UGGT2: variants seen among roughly 807,000 people sequenced by gnomAD.
UGGT2 encodes the protein UDP-glucose:glycoprotein glucosyltransferase 2.
Under a neutral mutation model 192.1 loss-of-function variants are expected in UGGT2, and 180 were observed. That is an observed-to-expected ratio of 0.94 (90% CI 0.83 to 1.06). The LOEUF (loss-of-function observed/expected upper bound fraction) is 1.06, where lower values mean the gene tolerates loss of function less well. Ranked by LOEUF, UGGT2 falls within the 50% of genes least tolerant of loss-of-function variation. The pLI, the probability that UGGT2 is intolerant of heterozygous loss-of-function variation, is 0.00. For synonymous variants in UGGT2, 580 were observed against 591.0 expected (o/e 0.98, Z 0.27); for missense variants, 1,849 against 1,795.7 (o/e 1.03, Z -0.54).
At chr13:95,808,305 G>C (rs1884418485) in intron 38 of UGGT2, among the ~76,000 whole-genome samples, 1 of 152,040 alleles carries the variant, frequency 6.6e-6, no homozygotes. Context: ...GAATATTACT[G>C]ATCTTAAGAC....
intron 13 of UGGT2, 144 bp from the exon 14 acceptor site, chr13:95,948,225 AC>A: frequency 5.0e-6 from 2 of 403,770 alleles, no homozygotes; most frequent in Non-Finnish European, 8.9e-6. Flanking sequence ...GAATACACAC[AC>A]ACACACACAC....
intron 4 of UGGT2, among the ~76,000 whole-genome samples, chr13:96,017,888 T>C (rs146806440): frequency 6.6e-6 from 1 of 152,330 alleles, no homozygotes; most frequent in East Asian, 1.9e-4. Flanking sequence ...ATGGTCATAT[T>C]GATTTGAAGT....
At chr13:95,923,547 T>G (rs940905369) in intron 20 of UGGT2, among the ~76,000 whole-genome samples, 1 of 152,092 alleles carries the variant, frequency 6.6e-6, no homozygotes, top group African/African-American at 2.4e-5. Context: ...TTTGTATTTT[T>G]AGTGGAGACA....
chr13:95,860,350 A>T (rs962977113), intron 32 of UGGT2, among the ~76,000 whole-genome samples: 15 of 148,768 alleles, frequency 1.0e-4, no homozygotes, highest in South Asian at 2.1e-4. Flanking sequence ...GTAAATATAT[A>T]TATTGTGAGT....
At chr13:95,802,753 C>A (rs973463572) in intron 38 of UGGT2, among the ~76,000 whole-genome samples, 2 of 152,212 alleles carry the variant, frequency 1.3e-5, no homozygotes, top group African/African-American at 2.4e-5. Flanking sequence ...CAGCTCCCCA[C>A]CCCACTCTCA....
At chr13:95,877,589 TGCAAACTGTTCA>T (rs1348973910) in intron 28 of UGGT2, 97 bp downstream of exon 28, 3 of 1,315,286 alleles carry the variant, frequency 2.3e-6, no homozygotes, top group Admixed American at 2.9e-5. Flanking sequence ...TTTTGTTTTC[TGCAAACTGTTCA>T]GCAACAGCAG....
intron 38 of UGGT2, among the ~76,000 whole-genome samples, chr13:95,802,021 A>G (rs1000831390): frequency 1.5e-4 from 23 of 152,132 alleles, no homozygotes; most frequent in African/African-American, 4.3e-4. Context: ...TGGTCTTTCT[A>G]CCCACCTAGA....
chr13:95,958,684 G>A (rs1411975820), intron 12 of UGGT2, among the ~76,000 whole-genome samples: 3 of 150,094 alleles, frequency 2.0e-5, no homozygotes, highest in Non-Finnish European at 4.4e-5. Flanking sequence ...AACCAATATA[G>A]TAAGCAGATA....
intron 38 of UGGT2, among the ~76,000 whole-genome samples, chr13:95,802,079 T>C (rs748119962): frequency 6.6e-6 from 1 of 152,204 alleles, no homozygotes; most frequent in Non-Finnish European, 1.5e-5. Context: ...ACCTTACTTA[T>C]CTTTGTTATC....
chr13:96,030,083 A>C (rs543234691), intron 2 of UGGT2, among the ~76,000 whole-genome samples: 6 of 152,324 alleles, frequency 3.9e-5, no homozygotes, highest in African/African-American at 1.4e-4. Flanking sequence ...TTGAAAGTAA[A>C]CATTACTAAG....
At chr13:95,869,723 G>A (rs1891057253) in intron 29 of UGGT2, among the ~76,000 whole-genome samples, 1 of 152,188 alleles carries the variant, frequency 6.6e-6, no homozygotes, top group Non-Finnish European at 1.5e-5. Context: ...TGAGGAAAAT[G>A]TGCAGCTTAA....
At chr13:96,002,367 T>A (rs1408626205) in intron 5 of UGGT2, among the ~76,000 whole-genome samples, 2 of 152,258 alleles carry the variant, frequency 1.3e-5, no homozygotes, top group Non-Finnish European at 2.9e-5. Context: ...CCTCTTCTTT[T>A]ATATTTATCT....
chr13:95,989,258 T>C (rs1283454762), intron 8 of UGGT2, among the ~76,000 whole-genome samples: 1 of 152,168 alleles, frequency 6.6e-6, no homozygotes, highest in African/African-American at 2.4e-5. Context: ...ACATCACTAA[T>C]GTCTATAAAA....
At position 95,948,175 on chromosome 13, in the gene UGGT2, T is replaced by C. The variant is rs1038281736; in HGVS notation, c.1456-94A>G. ...AATTTTTGTGACTGAAAGTATGAAATTCAATGTGTAATTTTTAAAGAAATT... is the reference window on the plus strand; with the variant it reads ...AATTTTTGTGACTGAAAGTATGAAACTCAATGTGTAATTTTTAAAGAAATT... On this transcript the variant is annotated intron_variant, in intron 13 of 38. Transcript: ENST00000376747. 6 of 869,292 alleles carry C rather than the reference T, an allele frequency of 6.9e-6. No individual in the cohort carries two copies. The African/African-American group carries it at 1.0e-4, about 15-fold the overall frequency. The allele number at this position is 869,292 out of a possible 1,614,324, so 53.8% of individuals were successfully genotyped here.
chr13:96,006,261 A>C (rs951479868), intron 5 of UGGT2, among the ~76,000 whole-genome samples: 1 of 152,228 alleles, frequency 6.6e-6, no homozygotes, highest in Non-Finnish European at 1.5e-5. Context: ...AATGATAGAA[A>C]TTAAAAGCAC....
intron 38 of UGGT2, among the ~76,000 whole-genome samples, chr13:95,830,423 C>T (rs1439361944): frequency 6.6e-6 from 1 of 152,062 alleles, no homozygotes; most frequent in Non-Finnish European, 1.5e-5. Context: ...TGAACTTAAA[C>T]AAATTTACAA....
intron 4 of UGGT2, 83 bp from the exon 5 acceptor site, chr13:96,013,564 C>A: frequency 1.1e-6 from 1 of 903,774 alleles, no homozygotes; most frequent in South Asian, 3.4e-5. Flanking sequence ...GCTTATCAAA[C>A]AATTCATAAT....
At chr13:96,041,361 T>C (rs2053159573) in intron 1 of UGGT2, among the ~76,000 whole-genome samples, 1 of 152,038 alleles carries the variant, frequency 6.6e-6, no homozygotes. Flanking sequence ...CTGGGTCCCC[T>C]AGGAAGCTAT....
intron 36 of UGGT2, among the ~76,000 whole-genome samples, chr13:95,845,477 G>C (rs1027090447): frequency 1.3e-5 from 2 of 150,068 alleles, no homozygotes; most frequent in African/African-American, 2.4e-5. Context: ...CAGAGAGCAC[G>C]GGGTTGGGGG....
Sources: gnomAD v4.1 joint callset for allele counts (sites outside exome capture counted in the v4.1 genomes callset) on GRCh38, gnomAD v4.1.1 for gene constraint, MANE v1.5 for transcripts, NCBI Gene and HGNC (gene_info 2026-07-23, HGNC 2026-07-21) for gene names.